Variants in FLT1 observed in about 807,000 individuals in gnomAD.
FLT1 encodes the protein fms related receptor tyrosine kinase 1.
FLT1 carries 49 observed loss-of-function variants against 156.3 expected under a neutral mutation model. The ratio of observed to expected loss-of-function variants is 0.31; its 90% confidence interval spans 0.25 to 0.40. The LOEUF (loss-of-function observed/expected upper bound fraction) is 0.40. FLT1 is among the 10% of genes least tolerant of loss of function. FLT1 has a pLI of 1.00. For synonymous variants in FLT1, 594 were observed against 583.8 expected, an observed-to-expected ratio of 1.02 and a Z score of -0.25; for missense variants, 1,322 against 1,637.2, an observed-to-expected ratio of 0.81 and a Z score of 3.32.
chr13:28,321,368 A>T, intron 23 of FLT1, 95 bp downstream of exon 23: 1 of 1,441,058 alleles, frequency 6.9e-7, no homozygotes. Flanking sequence ...GATGGTTTTC[A>T]GGGACTACAG....
At chr13:28,338,185 T>C (rs1245394763) in intron 17 of FLT1, among the ~76,000 whole-genome samples, 1 of 152,114 alleles carries the variant, frequency 6.6e-6, no homozygotes, top group Non-Finnish European at 1.5e-5. Context: ...AAAAGCCATT[T>C]TCCTCTCTCT....
At chr13:28,377,098 C>G (rs1488764114) in intron 14 of FLT1, among the ~76,000 whole-genome samples, 2 of 152,180 alleles carry the variant, frequency 1.3e-5, no homozygotes, top group Non-Finnish European at 2.9e-5. Context: ...CCTCTCTTAT[C>G]TCTGGCTCTC....
chr13:28,333,410 T>C (rs1161821165), intron 18 of FLT1, among the ~76,000 whole-genome samples: 2 of 152,224 alleles, frequency 1.3e-5, no homozygotes, highest in African/African-American at 2.4e-5. Flanking sequence ...GATTTTCATT[T>C]TCAATCTGTC....
chr13:28,306,635 AC>A (rs752981390), intron 29 of FLT1, 42 bp downstream of exon 29: 2 of 1,347,680 alleles, frequency 1.5e-6, no homozygotes, highest in Non-Finnish European at 2.1e-6. Context: ...CTCCCCTCGT[AC>A]CCCTCCATCA....
intron 14 of FLT1, among the ~76,000 whole-genome samples, chr13:28,365,200 T>C (rs1873245046): frequency 6.6e-6 from 1 of 152,232 alleles, no homozygotes; most frequent in Non-Finnish European, 1.5e-5. Flanking sequence ...TATGATTTTC[T>C]CTTTAAATAT....
intron 7 of FLT1, among the ~76,000 whole-genome samples, 186 bp from the exon 8 acceptor site, chr13:28,430,353 G>T (rs1473157834): frequency 6.6e-6 from 1 of 152,150 alleles, no homozygotes. Context: ...ATTGGTGAAC[G>T]CCTTTCAAAT....
At chr13:28,318,895 T>C (rs1871318468) in intron 24 of FLT1, among the ~76,000 whole-genome samples, 1 of 152,072 alleles carries the variant, frequency 6.6e-6, no homozygotes, top group African/African-American at 2.4e-5. Flanking sequence ...ATACAACCAG[T>C]GTTGTTTATT....
intron 4 of FLT1, among the ~76,000 whole-genome samples, 198 bp from the exon 5 acceptor site, chr13:28,434,418 T>C (rs1057110515): frequency 2.0e-5 from 3 of 152,246 alleles, no homozygotes; most frequent in African/African-American, 4.8e-5. Context: ...TAGCAAAAGA[T>C]ATTTGCATTA....
At position 28,389,831 on chromosome 13, in the gene FLT1, T is replaced by G. The variant is rs201670907; in HGVS notation, c.1934A>C (p.Glu645Ala). The change falls in exon 13 of 30, where the codon GAA becomes GCA. Residue 645 changes from glutamate (E) to alanine (A), a missense_variant. Around this residue, in one of 3 missense-constraint regions of FLT1, gnomAD observed 991 missense variants for 1,254.8 expected, o/e 0.79. Coordinates refer to ENST00000282397, the MANE Select transcript of FLT1 (RefSeq NM_002019.4). ...ACRARNVYTG[E>A]EILQKKEITI... ...AATTTCTTTCTTCTGGAGGATTTCT[T>G]CCCCTGTGTATACATTCCTGGCTCT... 506 of 1,614,212 alleles carry G rather than the reference T, an allele frequency of 3.1e-4. 4 individuals are homozygous for G. The highest frequency in any genetic ancestry group is 1.0e-5 in the Non-Finnish European group (12 of 1,180,032).
At chr13:28,484,647 T>C (rs1469144575) in intron 1 of FLT1, among the ~76,000 whole-genome samples, 1 of 152,132 alleles carries the variant, frequency 6.6e-6, no homozygotes, top group African/African-American at 2.4e-5. Flanking sequence ...CTCACATTCT[T>C]TGGAGATGGC....
chr13:28,440,212 G>A (rs947509539), intron 3 of FLT1, among the ~76,000 whole-genome samples: 4 of 152,230 alleles, frequency 2.6e-5, no homozygotes, highest in African/African-American at 9.6e-5. Flanking sequence ...CTCCTTGGAT[G>A]CTACATTCCT....
rs538354460 is a variant in FLT1, at chr13:28,351,855, A to C, written c.2248+5699T>G. On this transcript the variant is annotated intron_variant, in intron 15 of 29. Coordinates refer to ENST00000282397, the MANE Select transcript of FLT1 (RefSeq NM_002019.4). ...ATACAGAAACTTTTGTTGAAATGGA[A>C]TTTGGTATATCTTATTAACAAACGG... Among the ~76,000 whole-genome samples the C allele has an allele frequency of 3.9e-5, 6 of 152,358 alleles. No individual in the cohort carries two copies. In the South Asian group the frequency reaches 8.3e-4, roughly 21 times the overall value.
At chr13:28,468,224 G>T (rs375425640) in intron 1 of FLT1, among the ~76,000 whole-genome samples, 14 of 152,036 alleles carry the variant, frequency 9.2e-5, no homozygotes, top group Non-Finnish European at 1.6e-4. Flanking sequence ...GAAGACATTT[G>T]GTTTGTCTTA....
chr13:28,469,536 C>G (rs1412945342), intron 1 of FLT1, among the ~76,000 whole-genome samples: 1 of 152,206 alleles, frequency 6.6e-6, no homozygotes, highest in Non-Finnish European at 1.5e-5. Flanking sequence ...AGCCACCTCA[C>G]AGGCAGGGTG....
chr13:28,473,371 G>C (rs561784392), intron 1 of FLT1, among the ~76,000 whole-genome samples: 1 of 151,758 alleles, frequency 6.6e-6, no homozygotes, highest in South Asian at 2.1e-4. Context: ...CAGGCCCAGC[G>C]CAGTGGCTCA....
intron 1 of FLT1, among the ~76,000 whole-genome samples, chr13:28,490,622 A>G (rs1881418934): frequency 6.6e-6 from 1 of 152,174 alleles, no homozygotes; most frequent in Non-Finnish European, 1.5e-5. Context: ...CTGGCAGGAG[A>G]TCTTGTCATT....
chr13:28,320,040 T>C (rs1305555332), intron 23 of FLT1, among the ~76,000 whole-genome samples: 1 of 152,206 alleles, frequency 6.6e-6, no homozygotes, highest in East Asian at 1.9e-4. Flanking sequence ...GAAGTCAGTG[T>C]TGAAAGAGAA....
chr13:28,412,611 G>A (rs1262184055), intron 10 of FLT1, among the ~76,000 whole-genome samples: 3 of 151,300 alleles, frequency 2.0e-5, no homozygotes, highest in South Asian at 2.1e-4. Context: ...TAGTAGAGAC[G>A]GGTTTTGCCA....
chr13:28,325,883 T>C (rs1023427517), intron 20 of FLT1, among the ~76,000 whole-genome samples: 2 of 150,824 alleles, frequency 1.3e-5, no homozygotes, highest in African/African-American at 4.9e-5. Context: ...GGGAAAATGA[T>C]GTTCTTGCAT....
Sources: gnomAD v4.1 joint callset for allele counts (sites outside exome capture counted in the v4.1 genomes callset) on GRCh38, gnomAD v4.1.1 for gene constraint, gnomAD v4.1.1 regional missense constraint, MANE v1.5 for transcripts, NCBI Gene and HGNC (gene_info 2026-07-23, HGNC 2026-07-21) for gene names.